Variants in AJAP1 observed in about 807,000 individuals in gnomAD.
AJAP1 encodes the protein adherens junction-associated protein 1.
A neutral mutation model predicts 35.0 loss-of-function variants in AJAP1; 5 were observed. The observed-to-expected ratio is 0.14, with a 90% CI of 0.07 to 0.30. The LOEUF is 0.30. Ranked by LOEUF, AJAP1 falls within the 10% of genes least tolerant of loss-of-function variation. The pLI is 1.00. For missense variants in AJAP1, 586 were observed against 571.0 expected (o/e 1.03, Z -0.27); for synonymous variants, 284 against 249.3 (o/e 1.14, Z -1.31).
chr1:4,749,365 A>G (rs926756084), intron 2 of AJAP1, among the ~76,000 whole-genome samples: 7 of 152,216 alleles, frequency 4.6e-5, no homozygotes, highest in African/African-American at 1.7e-4. Flanking sequence ...TTACATCAGC[A>G]AAATCAAGAC....
rs1430430616 is a variant in AJAP1 at position 4,773,854 on chromosome 1, G to A, written c.1164-573G>A. Among the ~76,000 whole-genome samples, 5 of 152,178 alleles carry A rather than the reference G, an allele frequency of 3.3e-5. No homozygotes were observed. The East Asian group carries it at 9.6e-4, about 29-fold the overall frequency. ...GTGCTTGTGTTATGCAGGGAGGTGG[G>A]GTGGGGGGCTGTCCAAGAGCAGAGT... On this transcript the variant is annotated intron_variant, in intron 4 of 5. Transcript: ENST00000378191.
At chr1:4,695,037 G>T (rs1387189259) in intron 1 of AJAP1, among the ~76,000 whole-genome samples, 1 of 152,170 alleles carries the variant, frequency 6.6e-6, no homozygotes, top group Non-Finnish European at 1.5e-5. Context: ...TCTACACTGG[G>T]GGTACTTTGG....
At chr1:4,707,126 G>A (rs1640117662) in intron 1 of AJAP1, among the ~76,000 whole-genome samples, 1 of 152,134 alleles carries the variant, frequency 6.6e-6, no homozygotes, top group Non-Finnish European at 1.5e-5. Context: ...AGTCTCCATG[G>A]CTTCCTCCTG....
chr1:4,771,527 G>C (rs1337529059), intron 3 of AJAP1, among the ~76,000 whole-genome samples: 1 of 152,164 alleles, frequency 6.6e-6, no homozygotes, highest in African/African-American at 2.4e-5. Flanking sequence ...CTCCCAGCCA[G>C]CCCCCTTGTC....
chr1:4,736,293 C>G (rs921227649), intron 2 of AJAP1, among the ~76,000 whole-genome samples: 1 of 152,230 alleles, frequency 6.6e-6, no homozygotes, highest in Non-Finnish European at 1.5e-5. Context: ...CAAGAAAGTT[C>G]AAGCTCTCTC....
intron 1 of AJAP1, among the ~76,000 whole-genome samples, chr1:4,661,941 C>T (rs535258811): frequency 2.6e-5 from 4 of 152,200 alleles, no homozygotes; most frequent in African/African-American, 7.2e-5. Flanking sequence ...AGGCCTCTAT[C>T]GAGAGCTTTC....
rs1206315014 is a variant in AJAP1 at position 4,785,508 on chromosome 1, G to A, written c.*3023G>A. 1.3e-5 allele frequency: 2 copies of A among 152,146 alleles called. No homozygotes were observed. Among genetic ancestry groups the A allele is most frequent in the Non-Finnish European group, 2.9e-5 (2 of 68,024 alleles). The allele number at this position is 152,146 out of a possible 1,614,324, so 9.4% of individuals were successfully genotyped here. A position where few individuals can be genotyped will look rare whatever the true frequency, so the allele number is the denominator to read the frequency against. On this transcript the variant is annotated 3_prime_UTR_variant, in exon 6 of 6. Transcript: ENST00000378191. Reference sequence around the variant, plus strand: ...TAATGAGTGAAAGTGACTGGGCCTCGGAAATGCAGCCCCACCCACGGTGAA... The same window carrying A: ...TAATGAGTGAAAGTGACTGGGCCTCAGAAATGCAGCCCCACCCACGGTGAA...
chr1:4,728,678 A>G (rs1570164306), intron 2 of AJAP1, among the ~76,000 whole-genome samples: 1 of 152,162 alleles, frequency 6.6e-6, no homozygotes, highest in African/African-American at 2.4e-5. Context: ...TGCAGAGCCC[A>G]GGGGTCCGTC....
In AJAP1 at chr1:4,782,094, G is replaced by A. The variant is rs1245563123; in HGVS notation, c.*60-451G>A. On this transcript the variant is annotated intron_variant, in intron 5 of 5. Transcript: ENST00000378191. The surrounding 1 kb of genome is among the most constrained non-coding windows in gnomAD (Gnocchi z 5.3). ...ACAGAAACAGACTCCCATTCTTCCC[G>A]CAGCACAGGAGTGGAGCAGGCCCCA... 1.3e-5 allele frequency among the ~76,000 whole-genome samples: 2 copies of A among 152,162 alleles called. No homozygotes were observed. Among genetic ancestry groups the A allele is most frequent in the South Asian group, 2.1e-4 (1 of 4,830 alleles).
intron 1 of AJAP1, among the ~76,000 whole-genome samples, chr1:4,681,825 G>C (rs1639489944): frequency 6.6e-6 from 1 of 152,116 alleles, no homozygotes; most frequent in Non-Finnish European, 1.5e-5. Flanking sequence ...ATGAACTTGG[G>C]CGATTCACTC....
At chr1:4,662,845 A>G (rs1639032840) in intron 1 of AJAP1, among the ~76,000 whole-genome samples, 2 of 152,234 alleles carry the variant, frequency 1.3e-5, no homozygotes, top group Admixed American at 1.3e-4. Context: ...TCGATGGAGA[A>G]CAGGCATTTC....
At chr1:4,776,944 G>A (rs1641952809) in intron 5 of AJAP1, among the ~76,000 whole-genome samples, 1 of 152,218 alleles carries the variant, frequency 6.6e-6, no homozygotes. Context: ...CCGACACGAA[G>A]CCACGGCCCA....
In AJAP1 at chr1:4,655,286, G is replaced by A. The variant is rs1442295284; in HGVS notation, c.-140G>A. On this transcript the variant is annotated 5_prime_UTR_variant, in exon 1 of 6. Transcript: ENST00000378191. This position sits in a 1 kb window ranked among gnomAD's most constrained non-coding sequence, Gnocchi z 6.9. Reference sequence around the variant, plus strand: ...GCGGCCGCGCTCTGACTCGCTGTGCGCCCCGCGGCCGGCGGGCGGCGGGAG... The same window carrying A: ...GCGGCCGCGCTCTGACTCGCTGTGCACCCCGCGGCCGGCGGGCGGCGGGAG... 9.3e-6 allele frequency: 5 copies of A among 535,018 alleles called. No individual in the cohort carries two copies. In the African/African-American group the frequency reaches 1.0e-4, roughly 11 times the overall value. The allele number at this position is 535,018 out of a possible 1,614,324, so 33.1% of individuals were successfully genotyped here.
At chr1:4,684,002 GGGAGGAAGGAGAT>G (rs1162251530) in intron 1 of AJAP1, among the ~76,000 whole-genome samples, 2 of 152,302 alleles carry the variant, frequency 1.3e-5, no homozygotes, top group Admixed American at 6.5e-5. Flanking sequence ...ATGAAGAATG[GGGAGGAAGGAGAT>G]GGAGGAAGGA....
intron 2 of AJAP1, among the ~76,000 whole-genome samples, chr1:4,717,087 T>A (rs528675311): frequency 6.6e-6 from 1 of 152,162 alleles, no homozygotes; most frequent in Non-Finnish European, 1.5e-5. Flanking sequence ...CTATGACAGC[T>A]CTCTTGCTGG....
rs147002873 is a variant in AJAP1, at chr1:4,753,821, C to T, written c.830-16032C>T. On this transcript the variant is annotated intron_variant, in intron 2 of 5. Transcript: ENST00000378191. ...TCCTGACCTCAGGTGATCCGCCCAC[C>T]TCAGCCTTCCAAAGTGCTGGGATTA... Among the ~76,000 whole-genome samples, 1,005 of 152,348 alleles carry T rather than the reference C, an allele frequency of 6.6e-3. 18 individuals carry two copies. The highest frequency in any genetic ancestry group is 0.022 in the African/African-American group (922 of 41,576).
At chr1:4,765,967 T>G (rs1641675007) in intron 2 of AJAP1, among the ~76,000 whole-genome samples, 1 of 152,214 alleles carries the variant, frequency 6.6e-6, no homozygotes, top group Admixed American at 6.5e-5. Context: ...AAAGCTTTGA[T>G]GGTGGAGGAG....
At chr1:4,756,878 G>T (rs530330013) in intron 2 of AJAP1, among the ~76,000 whole-genome samples, 73 of 152,174 alleles carry the variant, frequency 4.8e-4, no homozygotes, top group Non-Finnish European at 8.5e-4. Context: ...TTTGGGGAGG[G>T]TAGGGAGCCT....
chr1:4,752,417 C>CAG (rs1641339860), intron 2 of AJAP1, among the ~76,000 whole-genome samples: 1 of 152,114 alleles, frequency 6.6e-6, no homozygotes, highest in Non-Finnish European at 1.5e-5. Context: ...TGGCAGTGCC[C>CAG]AGAGCCGATG....
Sources: allele counts gnomAD v4.1 joint callset (sites outside exome capture counted in the v4.1 genomes callset), GRCh38; gene constraint gnomAD v4.1.1; non-coding constraint Gnocchi (gnomAD v3.1); transcripts MANE v1.5; gene names NCBI Gene and HGNC (gene_info 2026-07-23, HGNC 2026-07-21).